Variants in SLC5A8 observed in about 807,000 individuals in gnomAD.
SLC5A8 encodes sodium-coupled monocarboxylate transporter 1.
In SLC5A8, 55 loss-of-function variants were observed where a neutral mutation model predicts 71.9. The ratio of observed to expected loss-of-function variants is 0.77; its 90% confidence interval spans 0.62 to 0.96. The LOEUF (loss-of-function observed/expected upper bound fraction) is 0.96, where lower values mean the gene tolerates loss of function less well. Among genes scored for constraint, SLC5A8 ranks in the 40% least tolerant of loss-of-function variants. The pLI is 0.00. For missense variants in SLC5A8, 701 were observed against 745.3 expected (o/e 0.94, Z 0.69); for synonymous variants, 307 against 276.1 (o/e 1.11, Z -1.11).
At chr12:101,173,893 G>A (rs2051854970) in intron 10 of SLC5A8, among the ~76,000 whole-genome samples, 1 of 152,166 alleles carries the variant, frequency 6.6e-6, no homozygotes, top group Admixed American at 6.5e-5. Flanking sequence ...CCAGTGGTTA[G>A]CTCTTCAAGC....
chr12:101,170,740 C>A (rs975683489), intron 10 of SLC5A8, among the ~76,000 whole-genome samples: 1 of 152,168 alleles, frequency 6.6e-6, no homozygotes, highest in African/African-American at 2.4e-5. Context: ...TCCATCCCCC[C>A]AGACTGTCAC....
intron 12 of SLC5A8, among the ~76,000 whole-genome samples, chr12:101,162,447 G>A (rs1278213195): frequency 1.3e-5 from 2 of 152,144 alleles, no homozygotes; most frequent in African/African-American, 4.8e-5. Context: ...GCACTTATAT[G>A]TTCATCGCAG....
chr12:101,205,666 G>C (rs552886282), intron 1 of SLC5A8, among the ~76,000 whole-genome samples: 1 of 152,242 alleles, frequency 6.6e-6, no homozygotes, highest in East Asian at 1.9e-4. Flanking sequence ...CTGTGTGCAT[G>C]GTCCTCCCAA....
intron 10 of SLC5A8, among the ~76,000 whole-genome samples, chr12:101,170,613 G>A (rs576342125): frequency 5.2e-4 from 79 of 152,160 alleles, no homozygotes; most frequent in Admixed American, 1.2e-3. Context: ...TCTAGACACA[G>A]GGCCAGGAAA....
chr12:101,196,359 A>G (rs955118952), intron 3 of SLC5A8, among the ~76,000 whole-genome samples: 2 of 152,354 alleles, frequency 1.3e-5, no homozygotes, highest in Admixed American at 6.5e-5. Flanking sequence ...TTTTAAAAGA[A>G]AAGAATTGTG....
chr12:101,209,591 G>A lies in SLC5A8; in HGVS notation c.258C>T (p.Ser86=). 6.2e-7 allele frequency: 1 copy of A among 1,614,054 alleles called. No homozygotes were observed. The change falls in exon 1 of 15, where the codon AGC becomes AGT. Residue 86 remains serine (S), a synonymous_variant. Transcript: ENST00000536262. ...CAAAGAAGTAGGTGAAGGCAAAGAT[G>A]CTAAAAATGGCCCCAAAACGGTAGA... is the stretch of plus-strand genomic sequence containing the variant. ...SEVYRFGAIF[S]IFAFTYFFVV...
intron 10 of SLC5A8, among the ~76,000 whole-genome samples, chr12:101,177,042 TAA>T (rs1027774116): frequency 2.0e-5 from 3 of 151,520 alleles, no homozygotes; most frequent in Non-Finnish European, 4.4e-5. Flanking sequence ...CTGAAAAAAA[TAA>T]GATACAAATT....
chr12:101,179,155 A>C (rs1181295209), intron 10 of SLC5A8, among the ~76,000 whole-genome samples: 1 of 152,116 alleles, frequency 6.6e-6, no homozygotes, highest in Non-Finnish European at 1.5e-5. Context: ...AAAAGACACC[A>C]CTAAATGCTG....
intron 10 of SLC5A8, among the ~76,000 whole-genome samples, chr12:101,176,582 A>C (rs1411264461): frequency 6.6e-6 from 1 of 152,046 alleles, no homozygotes; most frequent in Non-Finnish European, 1.5e-5. Flanking sequence ...AATCATAAAG[A>C]GTGTGTTCTC....
At position 101,209,960 on chromosome 12, in the gene SLC5A8, G is replaced by T; in HGVS notation, c.-112C>A. The T allele has an allele frequency of 9.7e-7, 1 of 1,027,780 alleles. No individual in the cohort carries two copies. The highest frequency in any genetic ancestry group is 1.8e-5 in the South Asian group (1 of 54,940). 63.7% of individuals were successfully genotyped at this position (1,027,780 alleles called of 1,614,324 possible). Reference sequence around the variant, plus strand: ...CCCTGGCGCGCAGGCGTGGCGTCCCGCGGGGACTGGAGGCGTCCTCCAGGT... The same window carrying T: ...CCCTGGCGCGCAGGCGTGGCGTCCCTCGGGGACTGGAGGCGTCCTCCAGGT... On this transcript the variant is annotated 5_prime_UTR_variant, in exon 1 of 15. Coordinates refer to ENST00000536262, the MANE Select transcript of SLC5A8 (RefSeq NM_145913.5).
At chr12:101,202,441 C>G (rs1001327642) in intron 2 of SLC5A8, among the ~76,000 whole-genome samples, 2 of 151,910 alleles carry the variant, frequency 1.3e-5, no homozygotes, top group African/African-American at 2.4e-5. Flanking sequence ...TTTTTTGTGA[C>G]CGGCTTATGT....
rs537284222 is a variant in SLC5A8 at position 101,197,822 on chromosome 12, C to T, written c.470-2660G>A. Reference sequence around the variant, plus strand: ...CATAAAGATATCAAAGATGTGATAACACTATTAGCCAACTAAACCTTTGAC... The same window carrying T: ...CATAAAGATATCAAAGATGTGATAATACTATTAGCCAACTAAACCTTTGAC... On this transcript the variant is annotated intron_variant, in intron 3 of 14. Transcript: ENST00000536262. 5.3e-5 allele frequency among the ~76,000 whole-genome samples: 8 copies of T among 152,120 alleles called. No individual in the cohort carries two copies. In the East Asian group the frequency reaches 1.3e-3, roughly 26 times the overall value.
At chr12:101,173,299 G>A (rs1013904724) in intron 10 of SLC5A8, among the ~76,000 whole-genome samples, 1 of 152,200 alleles carries the variant, frequency 6.6e-6, no homozygotes, top group African/African-American at 2.4e-5. Flanking sequence ...CCAGGTCTTT[G>A]AGCAGGCTTT....
At chr12:101,186,706 G>T (rs1483621657) in intron 7 of SLC5A8, among the ~76,000 whole-genome samples, 1 of 152,152 alleles carries the variant, frequency 6.6e-6, no homozygotes, top group Non-Finnish European at 1.5e-5. Flanking sequence ...CTACATCAGA[G>T]GGTGACTGTG....
At chr12:101,194,520 C>A (rs764706578) in intron 4 of SLC5A8, among the ~76,000 whole-genome samples, 1 of 152,190 alleles carries the variant, frequency 6.6e-6, no homozygotes, top group Admixed American at 6.5e-5. Context: ...AGCGGGAGTG[C>A]GGTGGTGCAA....
At chr12:101,175,439 T>C (rs1273216430) in intron 10 of SLC5A8, among the ~76,000 whole-genome samples, 1 of 152,040 alleles carries the variant, frequency 6.6e-6, no homozygotes, top group Non-Finnish European at 1.5e-5. Flanking sequence ...ATAAGAGACA[T>C]AAATCTCTTT....
intron 9 of SLC5A8, among the ~76,000 whole-genome samples, chr12:101,180,584 T>C (rs1250310765): frequency 3.3e-5 from 5 of 152,212 alleles, no homozygotes; most frequent in Non-Finnish European, 7.3e-5. Context: ...CTATGGGGTG[T>C]TGGACGACTT....
At chr12:101,166,419 AC>A in intron 12 of SLC5A8, 74 bp downstream of exon 12, 2 of 1,299,340 alleles carry the variant, frequency 1.5e-6, no homozygotes, top group Non-Finnish European at 2.1e-6. Flanking sequence ...TGTAAGCAAG[AC>A]AAAAAGCAAG....
intron 10 of SLC5A8, among the ~76,000 whole-genome samples, chr12:101,171,372 T>C (rs1215798731): frequency 6.6e-6 from 1 of 152,162 alleles, no homozygotes; most frequent in Non-Finnish European, 1.5e-5. Context: ...TCATTAATCT[T>C]ATAGCCATAA....
Sources: allele counts gnomAD v4.1 joint callset (sites outside exome capture counted in the v4.1 genomes callset), GRCh38; gene constraint gnomAD v4.1.1; transcripts MANE v1.5; gene names NCBI Gene and HGNC (gene_info 2026-07-23, HGNC 2026-07-21).